PDS5A: variants seen among roughly 807,000 people sequenced by gnomAD.
PDS5A encodes the protein sister chromatid cohesion protein PDS5 homolog A.
Under a neutral mutation model 167.1 loss-of-function variants are expected in PDS5A, and 42 were observed. The ratio of observed to expected loss-of-function variants is 0.25; its 90% CI spans 0.20 to 0.33. The LOEUF (loss-of-function observed/expected upper bound fraction) is 0.33. PDS5A is among the 10% of genes least tolerant of loss of function. PDS5A has a pLI of 1.00. For synonymous variants in PDS5A, 553 were observed against 554.6 expected, an observed-to-expected ratio of 1.00 and a Z score of 0.04; for missense variants, 1,033 against 1,605.9, an observed-to-expected ratio of 0.64 and a Z score of 6.10.
intron 17 of PDS5A, among the ~76,000 whole-genome samples, chr4:39,883,940 CTT>C (rs58050331): frequency 1.4e-5 from 2 of 143,402 alleles, no homozygotes; most frequent in Non-Finnish European, 3.1e-5. Context: ...TTCTCCTTTG[CTT>C]TTTTTTTTTT....
At chr4:39,948,476 C>A (rs1560509428) in intron 2 of PDS5A, among the ~76,000 whole-genome samples, 1 of 151,760 alleles carries the variant, frequency 6.6e-6, no homozygotes, top group East Asian at 1.9e-4. Flanking sequence ...AGGCGCCTAC[C>A]ACCAGGCCCT....
chr4:39,956,384 T>C (rs1728927664), intron 2 of PDS5A, among the ~76,000 whole-genome samples: 1 of 151,172 alleles, frequency 6.6e-6, no homozygotes, highest in Non-Finnish European at 1.5e-5. Flanking sequence ...TCCCAGCTAC[T>C]TGGGAGGCTG....
chr4:39,851,292 A>ATT (rs575163696), intron 26 of PDS5A, among the ~76,000 whole-genome samples: 14 of 141,582 alleles, frequency 9.9e-5, no homozygotes, highest in East Asian at 2.0e-4. Context: ...TATAGAACCT[A>ATT]TTTTTTTTTT....
chr4:39,884,111 T>G (rs140300968), intron 17 of PDS5A, among the ~76,000 whole-genome samples: 6 of 151,738 alleles, frequency 4.0e-5, no homozygotes, highest in African/African-American at 1.5e-4. Context: ...GCATTTTTAG[T>G]AGGGACGGGG....
At chr4:39,852,487 TC>T (rs1718202190) in intron 26 of PDS5A, among the ~76,000 whole-genome samples, 2 of 152,074 alleles carry the variant, frequency 1.3e-5, no homozygotes, top group South Asian at 4.1e-4. Context: ...GAATATACTT[TC>T]CCTCCAAAAA....
chr4:39,895,539 CAGTG>C (rs1436116147), intron 16 of PDS5A, among the ~76,000 whole-genome samples: 2 of 152,164 alleles, frequency 1.3e-5, no homozygotes, highest in Non-Finnish European at 1.5e-5. Flanking sequence ...CTGGGTAAGT[CAGTG>C]AGTAAGTGGT....
intron 17 of PDS5A, among the ~76,000 whole-genome samples, chr4:39,885,724 G>C (rs963219065): frequency 6.6e-6 from 1 of 152,144 alleles, no homozygotes; most frequent in Non-Finnish European, 1.5e-5. Context: ...AGACCAGCCT[G>C]GACGGCATGG....
chr4:39,914,658 G>A (rs1441234006), intron 8 of PDS5A, among the ~76,000 whole-genome samples: 2 of 152,110 alleles, frequency 1.3e-5, no homozygotes, highest in South Asian at 2.1e-4. Context: ...CAGTATATGC[G>A]ATAAAAATTC....
chr4:39,895,240 G>C (rs1044116356), intron 16 of PDS5A, among the ~76,000 whole-genome samples: 4 of 148,878 alleles, frequency 2.7e-5, no homozygotes, highest in Non-Finnish European at 5.9e-5. Context: ...GTGTTGTTAA[G>C]GCAATTTCAT....
intron 2 of PDS5A, among the ~76,000 whole-genome samples, chr4:39,929,278 T>A (rs914212410): frequency 1.3e-5 from 2 of 151,784 alleles, no homozygotes; most frequent in Non-Finnish European, 2.9e-5. Context: ...GGAAGGCAGG[T>A]CCACTGTTAA....
intron 5 of PDS5A, among the ~76,000 whole-genome samples, chr4:39,923,796 C>T (rs148069906): frequency 3.9e-5 from 6 of 152,176 alleles, no homozygotes; most frequent in African/African-American, 1.4e-4. Flanking sequence ...TCAACTCCCA[C>T]ACCTTAAGTC....
intron 28 of PDS5A, chr4:39,846,506 A>T (rs746896088): frequency 1.1e-4 from 16 of 152,272 alleles, no homozygotes. Flanking sequence ...CTCAAAAAAC[A>T]TAAGTAGACC....
At chr4:39,905,621 G>A (rs764990842) in intron 11 of PDS5A, among the ~76,000 whole-genome samples, 4 of 152,072 alleles carry the variant, frequency 2.6e-5, no homozygotes, top group Non-Finnish European at 4.4e-5. Context: ...TTTGAGGAAC[G>A]CTTTCAACAG....
intron 17 of PDS5A, 64 bp downstream of exon 17, chr4:39,890,185 A>T: frequency 1.1e-6 from 1 of 904,404 alleles, no homozygotes; most frequent in Non-Finnish European, 1.7e-6. Flanking sequence ...CCCAGAATTT[A>T]AATTAACAAC....
intron 16 of PDS5A, among the ~76,000 whole-genome samples, chr4:39,891,120 G>A (rs1319296942): frequency 2.0e-5 from 3 of 150,902 alleles, no homozygotes; most frequent in Non-Finnish European, 3.0e-5. Flanking sequence ...TGCAACCTCC[G>A]CTTCCCAGGT....
chr4:39,863,367 T>C lies in PDS5A; in HGVS notation c.2735A>G (p.Glu912Gly). Residue 912 changes from glutamate (E) to glycine (G), a missense_variant, in exon 24 of 33, where the codon GAA becomes GGA. Coordinates refer to ENST00000303538, the MANE Select transcript of PDS5A (RefSeq NM_001100399.2). ...AACAAGTGCACAGAGCTGAAACTGT[T>C]CTGGGGTAATAATTTCATGGTAACA... The part of the protein sequence containing the change: ...EPCYHEIITP[E>G]QFQLCALVIN... The C allele has an allele frequency of 6.2e-7, 1 of 1,610,126 alleles. No homozygotes were observed. The highest frequency in any genetic ancestry group is 8.5e-7 in the Non-Finnish European group (1 of 1,177,574).
chr4:39,967,284 A>G (rs1364614234), intron 2 of PDS5A, among the ~76,000 whole-genome samples: 2 of 150,658 alleles, frequency 1.3e-5, no homozygotes, highest in African/African-American at 4.9e-5. Context: ...TAGCCTGGGC[A>G]ACAGAGTGAG....
chr4:39,911,287 T>A (rs1004308512), intron 9 of PDS5A, among the ~76,000 whole-genome samples: 3 of 151,674 alleles, frequency 2.0e-5, no homozygotes, highest in Non-Finnish European at 4.4e-5. Context: ...TACCAGCTAC[T>A]CAGGAGGCCG....
chr4:39,850,948 C>T (rs1426081307), intron 26 of PDS5A, among the ~76,000 whole-genome samples: 4 of 152,226 alleles, frequency 2.6e-5, no homozygotes, highest in South Asian at 2.1e-4. Context: ...TTTGATGATA[C>T]TCTGTAAAAG....
Sources: allele counts gnomAD v4.1 joint callset (sites outside exome capture counted in the v4.1 genomes callset), GRCh38; gene constraint gnomAD v4.1.1; transcripts MANE v1.5; gene names NCBI Gene and HGNC (gene_info 2026-07-23, HGNC 2026-07-21).